Variants in RUNX2 observed in about 807,000 individuals in gnomAD.
RUNX2 encodes the protein runt-related transcription factor 2.
A neutral mutation model predicts 51.7 loss-of-function variants in RUNX2; 10 were observed. The ratio of observed to expected loss-of-function variants is 0.19; its 90% CI spans 0.12 to 0.33. The LOEUF (loss-of-function observed/expected upper bound fraction) is 0.33. RUNX2 is among the 10% of genes least tolerant of loss of function. The pLI, the probability that RUNX2 is intolerant of heterozygous loss-of-function variation, is 1.00. For missense variants in RUNX2, 562 were observed against 691.3 expected (o/e 0.81, Z 2.10); for synonymous variants, 276 against 273.6 (o/e 1.01, Z -0.09).
intron 5 of RUNX2, among the ~76,000 whole-genome samples, chr6:45,477,709 CT>C (rs1290719324): frequency 6.6e-6 from 1 of 152,216 alleles, no homozygotes; most frequent in African/African-American, 2.4e-5. Context: ...TGTTTATCTT[CT>C]GACTTATAAC....
chr6:45,438,756 G>A (rs1243945187), intron 5 of RUNX2, among the ~76,000 whole-genome samples: 2 of 152,098 alleles, frequency 1.3e-5, no homozygotes, highest in Non-Finnish European at 2.9e-5. Flanking sequence ...TAAAATGACC[G>A]AGGTTTGCTT....
At chr6:45,398,579 G>GA (rs1359941334) in intron 2 of RUNX2, among the ~76,000 whole-genome samples, 1 of 152,114 alleles carries the variant, frequency 6.6e-6, no homozygotes, top group East Asian at 1.9e-4. Flanking sequence ...AGTATTTCTT[G>GA]ACCACAATCT....
rs190348125 is a variant in RUNX2, at chr6:45,404,783, A to G, written c.59-17810A>G. ...GAATCAGAACATCCCATTTTTAAAG[A>G]TTAGATTTCAATGCTCCCTTCATGA... On this transcript the variant is annotated intron_variant, in intron 2 of 8. Transcript: ENST00000647337. 7.9e-5 allele frequency among the ~76,000 whole-genome samples: 12 copies of G among 152,364 alleles called. No homozygotes were observed. In the East Asian group the frequency reaches 2.3e-3, roughly 29 times the overall value.
chr6:45,450,482 T>C (rs974541733), intron 5 of RUNX2, among the ~76,000 whole-genome samples: 1 of 152,196 alleles, frequency 6.6e-6, no homozygotes, highest in Non-Finnish European at 1.5e-5. Context: ...GAGCCTACAT[T>C]CTGTAGAGAA....
chr6:45,354,180 A>T (rs1792652209), intron 2 of RUNX2, among the ~76,000 whole-genome samples: 2 of 152,322 alleles, frequency 1.3e-5, no homozygotes, highest in South Asian at 4.1e-4. Flanking sequence ...TTCAAATAGT[A>T]GGTTTCAAGA....
chr6:45,516,963 C>A (rs1231360485), intron 7 of RUNX2, among the ~76,000 whole-genome samples: 1 of 151,854 alleles, frequency 6.6e-6, no homozygotes, highest in Non-Finnish European at 1.5e-5. Context: ...TTTTTCACTG[C>A]AAATAACTCC....
chr6:45,526,213 T>C (rs928565666), intron 7 of RUNX2, among the ~76,000 whole-genome samples: 10 of 152,242 alleles, frequency 6.6e-5, no homozygotes, highest in Non-Finnish European at 1.5e-4. Context: ...CAGCTGAACC[T>C]GTCTTTAAGG....
At chr6:45,502,612 T>C (rs1800829474) in intron 6 of RUNX2, among the ~76,000 whole-genome samples, 2 of 152,154 alleles carry the variant, frequency 1.3e-5, no homozygotes, top group Non-Finnish European at 2.9e-5. Context: ...GATCAGCTGA[T>C]GTGTGGAGGC....
At chr6:45,463,476 C>A (rs1799533343) in intron 5 of RUNX2, among the ~76,000 whole-genome samples, 1 of 152,142 alleles carries the variant, frequency 6.6e-6, no homozygotes, top group Admixed American at 6.5e-5. Context: ...GAGAAAAATT[C>A]TTTCCAACTT....
In RUNX2 at chr6:45,422,768, G is replaced by GGCGGCGGCGGCGGCT. The variant is rs758081485; in HGVS notation, c.246_260dup (p.Ala85_Ala89dup). The GGCGGCGGCGGCGGCT allele has an allele frequency of 2.2e-5, 30 of 1,343,590 alleles. No homozygotes were observed. Among genetic ancestry groups the GGCGGCGGCGGCGGCT allele is most frequent in the Non-Finnish European group, 2.8e-5 (29 of 1,027,560 alleles). 83.2% of individuals were successfully genotyped at this position (1,343,590 alleles called of 1,614,324 possible). On this transcript the variant is annotated inframe_insertion, in exon 3 of 9. Coordinates refer to ENST00000647337, the MANE Select transcript of RUNX2 (RefSeq NM_001024630.4). ...AGCAGGAGGCGGCGGCGGCGGCTGC[G>GGCGGCGGCGGCGGCT]GCGGCGGCGGCGGCTGCGGCGGCGG... is the stretch of plus-strand genomic sequence containing the variant.
chr6:45,375,391 G>A (rs1288611617), intron 2 of RUNX2, among the ~76,000 whole-genome samples: 5 of 152,034 alleles, frequency 3.3e-5, no homozygotes, highest in Non-Finnish European at 5.9e-5. Flanking sequence ...TTTATACTAC[G>A]ACTGTCTCAG....
chr6:45,513,311 T>C (rs983972211), intron 7 of RUNX2: 3 of 152,316 alleles, frequency 2.0e-5, no homozygotes, highest in African/African-American at 7.2e-5. Context: ...ACACACCCCA[T>C]TGGATCCCAC....
chr6:45,369,717 G>C (rs1274265320), intron 2 of RUNX2, among the ~76,000 whole-genome samples: 1 of 152,182 alleles, frequency 6.6e-6, no homozygotes, highest in Non-Finnish European at 1.5e-5. Context: ...ACCGTTCTAA[G>C]AGGTAGGGAT....
At chr6:45,412,328 C>T (rs922301225) in intron 2 of RUNX2, among the ~76,000 whole-genome samples, 1 of 152,032 alleles carries the variant, frequency 6.6e-6, no homozygotes, top group East Asian at 1.9e-4. Flanking sequence ...TACACTCCAG[C>T]CTGGGTGACA....
At chr6:45,496,878 C>T (rs1355289958) in intron 6 of RUNX2, among the ~76,000 whole-genome samples, 1 of 152,008 alleles carries the variant, frequency 6.6e-6, no homozygotes, top group Non-Finnish European at 1.5e-5. Flanking sequence ...TGGAAGGACA[C>T]TGAAGGATTC....
intron 6 of RUNX2, 111 bp from the exon 7 acceptor site, chr6:45,512,135 T>C (rs988894950): frequency 1.1e-6 from 1 of 917,236 alleles, no homozygotes; most frequent in East Asian, 2.6e-5. Context: ...ATATAAGCCA[T>C]TTTTTTTTCT....
At chr6:45,369,710 G>A (rs569876723) in intron 2 of RUNX2, among the ~76,000 whole-genome samples, 7 of 152,214 alleles carry the variant, frequency 4.6e-5, no homozygotes, top group African/African-American at 7.2e-5. Context: ...GCCAAACACC[G>A]TTCTAAGAGG....
intron 2 of RUNX2, among the ~76,000 whole-genome samples, chr6:45,390,208 A>G (rs773120946): frequency 1.3e-5 from 2 of 152,202 alleles, no homozygotes; most frequent in Non-Finnish European, 2.9e-5. Flanking sequence ...TAATGTGATA[A>G]TAATGTCAAT....
intron 2 of RUNX2, among the ~76,000 whole-genome samples, chr6:45,385,545 T>C (rs1797330768): frequency 1.3e-5 from 2 of 152,212 alleles, no homozygotes; most frequent in Admixed American, 6.5e-5. Context: ...TGTGAAATGA[T>C]GAAAGGGAGT....
Sources: gnomAD v4.1 joint callset for allele counts (sites outside exome capture counted in the v4.1 genomes callset) on GRCh38, gnomAD v4.1.1 for gene constraint, MANE v1.5 for transcripts, NCBI Gene and HGNC (gene_info 2026-07-23, HGNC 2026-07-21) for gene names.